Variants in NFATC2 observed in about 807,000 individuals in gnomAD.
NFATC2 encodes the protein nuclear factor of activated T cells 2, also known as nuclear factor of activated T-cells, cytoplasmic 2.
In NFATC2, 22 loss-of-function variants were observed where a neutral mutation model predicts 87.3. The observed-to-expected ratio is 0.25, with a 90% CI of 0.18 to 0.36. The LOEUF is 0.36. Ranked by LOEUF, NFATC2 falls within the 10% of genes least tolerant of loss-of-function variation. The pLI is 1.00. For missense variants in NFATC2, 1,149 were observed against 1,259.1 expected, an observed-to-expected ratio of 0.91 and a Z score of 1.32; for synonymous variants, 565 against 542.2, an observed-to-expected ratio of 1.04 and a Z score of -0.58.
chr20:51,477,308 T>C (rs1600826466), intron 3 of NFATC2, among the ~76,000 whole-genome samples: 1 of 151,760 alleles, frequency 6.6e-6, no homozygotes, highest in Non-Finnish European at 1.5e-5. Flanking sequence ...AAATGCAGAA[T>C]GTTTTCCATC....
intron 3 of NFATC2, among the ~76,000 whole-genome samples, chr20:51,516,212 T>C (rs951959416): frequency 6.6e-6 from 1 of 151,882 alleles, no homozygotes; most frequent in African/African-American, 2.4e-5. Flanking sequence ...CAAAAGGAAA[T>C]GCTCATGGCA....
chr20:51,519,871 G>C (rs981537007), intron 2 of NFATC2, among the ~76,000 whole-genome samples: 3 of 149,188 alleles, frequency 2.0e-5, no homozygotes, highest in Non-Finnish European at 3.0e-5. Context: ...AGCTGAGATC[G>C]CACCACTGTA....
intron 1 of NFATC2, 127 bp downstream of exon 1, chr20:51,542,243 A>C: frequency 2.5e-6 from 3 of 1,204,966 alleles, no homozygotes; most frequent in Non-Finnish European, 2.2e-6. Flanking sequence ...GCACCTGGGT[A>C]GGGGCACCCT....
Position 51,456,451 on chromosome 20 carries a change from T to A in NFATC2, c.1709-1763A>T, listed in dbSNP as rs146596985. Among the ~76,000 whole-genome samples the A allele has an allele frequency of 8.5e-5, 13 of 152,308 alleles. No individual in the cohort carries two copies. In the East Asian group the frequency reaches 2.5e-3, roughly 29 times the overall value. On this transcript the variant is annotated intron_variant, in intron 5 of 10. Transcript: ENST00000371564. ...ACCCTCAAAAGCAGGTTTCTCCAGCTCCAGCGCCCAATCTCTTAGGTTAAC... is the reference window on the plus strand; with the variant it reads ...ACCCTCAAAAGCAGGTTTCTCCAGCACCAGCGCCCAATCTCTTAGGTTAAC...
intron 6 of NFATC2, among the ~76,000 whole-genome samples, chr20:51,437,535 G>A (rs544470280): frequency 6.6e-5 from 10 of 152,248 alleles, no homozygotes; most frequent in Middle Eastern, 3.4e-3. Flanking sequence ...TTCACCCAGC[G>A]AAATCTGGAC....
intron 5 of NFATC2, among the ~76,000 whole-genome samples, chr20:51,459,616 G>C (rs1331820087): frequency 1.3e-5 from 2 of 152,142 alleles, no homozygotes; most frequent in African/African-American, 4.8e-5. Context: ...AGTGGCTCAG[G>C]CCTGTAATCC....
In NFATC2 at chr20:51,432,376, G is replaced by C. The variant is rs758646655; in HGVS notation, c.2413C>G (p.Gln805Glu). 5.0e-6 allele frequency: 8 copies of C among 1,611,968 alleles called. No individual in the cohort carries two copies. Among genetic ancestry groups the C allele is most frequent in the Non-Finnish European group, 6.8e-6 (8 of 1,178,826 alleles). The change falls in exon 9 of 11, where the codon CAG becomes GAG. Residue 805 changes from glutamine to glutamate, a missense_variant. By Grantham distance (29) the Gln-to-Glu change is conservative. Coordinates refer to ENST00000371564, the MANE Select transcript of NFATC2 (RefSeq NM_012340.5). The surrounding 1 kb of genome is among the most constrained non-coding windows in gnomAD (Gnocchi z 4.6). ...SALLHPSPTNQQASPVIHYSP... is the reference protein window; with the variant it reads ...SALLHPSPTNEQASPVIHYSP... ...TAGTGGATCACAGGCGAGGCCTGCTGGTTGGTCGGAGAGGGGTGGAGCAGG... is the reference window on the plus strand; with the variant it reads ...TAGTGGATCACAGGCGAGGCCTGCTCGTTGGTCGGAGAGGGGTGGAGCAGG...
At chr20:51,483,207 C>T (rs544670425) in intron 3 of NFATC2, among the ~76,000 whole-genome samples, 18 of 152,202 alleles carry the variant, frequency 1.2e-4, no homozygotes, top group Non-Finnish European at 2.6e-4. Flanking sequence ...TCTCTGAAAA[C>T]GACTCTGCTA....
intron 10 of NFATC2, among the ~76,000 whole-genome samples, chr20:51,398,277 G>A (rs1043412450): frequency 2.0e-5 from 3 of 152,034 alleles, no homozygotes; most frequent in Admixed American, 6.5e-5. Context: ...CCCCAGTGCC[G>A]GACACCCACC....
chr20:51,388,447 T>G lies in NFATC2; in HGVS notation c.*3049A>C, dbSNP rs117706458. The G allele has an allele frequency of 1.3e-5, 2 of 152,086 alleles. No individual in the cohort carries two copies. The highest frequency in any genetic ancestry group is 2.9e-5 in the Non-Finnish European group (2 of 68,026). 9.4% of individuals were successfully genotyped at this position (152,086 alleles called of 1,614,324 possible). ...GGCTCTGAGTGGGGGTTTTATTATA[T>G]GGGTTTTTGTTTCCTGGAATGAGTA... On this transcript the variant is annotated 3_prime_UTR_variant, in exon 11 of 11. Coordinates refer to ENST00000371564, the MANE Select transcript of NFATC2 (RefSeq NM_012340.5).
intron 5 of NFATC2, among the ~76,000 whole-genome samples, chr20:51,473,255 C>T (rs1197888028): frequency 6.6e-6 from 1 of 152,148 alleles, no homozygotes; most frequent in Admixed American, 6.5e-5. Flanking sequence ...GAGAAAGTGT[C>T]CTGCTCATCT....
intron 6 of NFATC2, among the ~76,000 whole-genome samples, chr20:51,448,598 C>A (rs1304612580): frequency 6.6e-6 from 1 of 152,080 alleles, no homozygotes; most frequent in African/African-American, 2.4e-5. Flanking sequence ...GAGCCGAGAT[C>A]GCGCACTCGC....
intron 3 of NFATC2, among the ~76,000 whole-genome samples, chr20:51,515,918 T>C (rs1274762464): frequency 3.3e-5 from 5 of 152,270 alleles, no homozygotes; most frequent in African/African-American, 9.6e-5. Context: ...ATGCACACTA[T>C]AGATTAAGAA....
chr20:51,403,520 C>A (rs946095191), intron 9 of NFATC2, among the ~76,000 whole-genome samples: 1 of 152,198 alleles, frequency 6.6e-6, no homozygotes, highest in African/African-American at 2.4e-5. Flanking sequence ...CTAAGTTATG[C>A]CCCCACCACA....
chr20:51,555,537 A>G (rs539710762), intron 1 of NFATC2, among the ~76,000 whole-genome samples: 19 of 152,104 alleles, frequency 1.2e-4, no homozygotes, highest in South Asian at 4.2e-4. Context: ...AGCTTACAGT[A>G]AGCTGAGATT....
chr20:51,449,444 A>G (rs1985501961), intron 6 of NFATC2, among the ~76,000 whole-genome samples: 1 of 152,116 alleles, frequency 6.6e-6, no homozygotes, highest in Admixed American at 6.5e-5. Context: ...TAATCCAGGA[A>G]CTACATTCAC....
At position 51,446,866 on chromosome 20, in the gene NFATC2, G is replaced by T. The variant is rs1026384520; in HGVS notation, c.1849+7682C>A. 6.6e-5 allele frequency among the ~76,000 whole-genome samples: 10 copies of T among 152,196 alleles called. 1 individual carries two copies. On this transcript the variant is annotated intron_variant, in intron 6 of 10. Coordinates refer to ENST00000371564, the MANE Select transcript of NFATC2 (RefSeq NM_012340.5). ...GGGACATGAGTCACAGAGGGCAAAG[G>T]TCCGGAGAGCCTTAGTCATGCCCCA... is the stretch of plus-strand genomic sequence containing the variant.
chr20:51,523,275 C>T lies in NFATC2; in HGVS notation c.966G>A (p.Met322Ile). 6.2e-7 allele frequency: 1 copy of T among 1,613,776 alleles called. No individual in the cohort carries two copies. The highest frequency in any genetic ancestry group is 8.5e-7 in the Non-Finnish European group (1 of 1,179,818). ...GCGAGGGGTCAGGGCTGGTCTTCCACATCTTGGGGGGGATCCCACAAGGCG... is the reference window on the plus strand; with the variant it reads ...GCGAGGGGTCAGGGCTGGTCTTCCATATCTTGGGGGGGATCCCACAAGGCG... ...TDSPCGIPPK[M>I]WKTSPDPSPV... Residue 322 changes from methionine (M) to isoleucine (I), a missense_variant, in exon 2 of 11, where the codon ATG (methionine) becomes ATA (isoleucine). Around this residue, in one of 3 missense-constraint regions of NFATC2, gnomAD observed 563 missense variants for 585.2 expected, o/e 0.96. Transcript: ENST00000371564. The surrounding 1 kb of genome is among the most constrained non-coding windows in gnomAD (Gnocchi z 6.9).
intron 1 of NFATC2, among the ~76,000 whole-genome samples, chr20:51,536,195 A>G (rs1600981659): frequency 6.6e-6 from 1 of 152,328 alleles, no homozygotes; most frequent in East Asian, 1.9e-4. Context: ...AATTATATAA[A>G]TATCAACTAT....
Sources: gnomAD v4.1 joint callset for allele counts (sites outside exome capture counted in the v4.1 genomes callset) on GRCh38, gnomAD v4.1.1 for gene constraint, gnomAD v4.1.1 regional missense constraint, Gnocchi (gnomAD v3.1) non-coding constraint, MANE v1.5 for transcripts, NCBI Gene and HGNC (gene_info 2026-07-23, HGNC 2026-07-21) for gene names.